TANGO2: variants seen among roughly 807,000 people sequenced by gnomAD.
The protein encoded by TANGO2 is transport and Golgi organization protein 2 homolog.
Under a neutral mutation model 39.1 loss-of-function variants are expected in TANGO2, and 26 were observed. That is an observed-to-expected ratio of 0.67 (90% CI 0.49 to 0.92). The LOEUF (loss-of-function observed/expected upper bound fraction) is 0.92. TANGO2 is among the 40% of genes least tolerant of loss of function. The pLI, the probability that TANGO2 is intolerant of heterozygous loss-of-function variation, is 0.00. For synonymous variants in TANGO2, 131 were observed against 144.5 expected (o/e 0.91, Z 0.67); for missense variants, 326 against 360.1 (o/e 0.91, Z 0.77).
At chr22:20,054,291 T>G in intron 5 of TANGO2, 1 of 159,648 alleles carries the variant, frequency 6.3e-6, no homozygotes, top group Non-Finnish European at 1.4e-5. Context: ...CGAGGGCTGG[T>G]GCGGGGCACT....
chr22:20,032,038 G>A (rs1345230450), intron 1 of TANGO2, among the ~76,000 whole-genome samples: 1 of 152,214 alleles, frequency 6.6e-6, no homozygotes, highest in Non-Finnish European at 1.5e-5. Context: ...CATGTGACCT[G>A]GGACTCTTGA....
intron 1 of TANGO2, among the ~76,000 whole-genome samples, chr22:20,033,910 C>T (rs988397857): frequency 3.3e-5 from 5 of 152,180 alleles, no homozygotes; most frequent in African/African-American, 4.8e-5. Flanking sequence ...AAATAGCTTC[C>T]TAAGAGTTCT....
At chr22:20,045,844 T>C (rs746279412) in intron 3 of TANGO2, among the ~76,000 whole-genome samples, 1 of 151,936 alleles carries the variant, frequency 6.6e-6, no homozygotes, top group Non-Finnish European at 1.5e-5. Flanking sequence ...TCTCTCTCAC[T>C]CTCTCCTTCT....
chr22:20,051,718 T>C (rs1229409852), intron 3 of TANGO2, among the ~76,000 whole-genome samples: 1 of 151,850 alleles, frequency 6.6e-6, no homozygotes, highest in East Asian at 1.9e-4. Context: ...CCGAGTGTGA[T>C]GGTACCTGCC....
chr22:20,044,664 C>T (rs760883567), intron 3 of TANGO2, among the ~76,000 whole-genome samples: 2 of 152,022 alleles, frequency 1.3e-5, no homozygotes, highest in African/African-American at 2.4e-5. Context: ...GGGAGGAGGA[C>T]GGGTGCATGG....
upstream of TANGO2, among the ~76,000 whole-genome samples, chr22:20,020,909 C>G (rs569713085): frequency 7.9e-5 from 12 of 152,254 alleles, no homozygotes; most frequent in East Asian, 1.4e-3. Flanking sequence ...CTCAGACGCC[C>G]GCGCAGCCCG....
In TANGO2 at chr22:20,064,761, C is replaced by T. The variant is rs1451085483; in HGVS notation, c.*99C>T. On this transcript the variant is annotated 3_prime_UTR_variant, in exon 9 of 9. Coordinates refer to ENST00000327374, the MANE Select transcript of TANGO2 (RefSeq NM_152906.7). ...CTTTGCCATACTGCATTGCACTGCC[C>T]GTGGCTTGGCCAGCATCCCCCGGAT... The T allele has an allele frequency of 2.2e-5, 33 of 1,474,626 alleles. 1 individual carries two copies. Among genetic ancestry groups the T allele is most frequent in the South Asian group, 7.8e-5 (6 of 76,596 alleles). 91.3% of individuals were successfully genotyped at this position (1,474,626 alleles called of 1,614,324 possible). A position where few individuals can be genotyped will look rare whatever the true frequency, so the allele number is the denominator to read the frequency against.
chr22:20,058,000 G>A lies in TANGO2; in HGVS notation c.451+1987G>A, dbSNP rs1203920063. On this transcript the variant is annotated intron_variant, in intron 6 of 8. Coordinates refer to ENST00000327374, the MANE Select transcript of TANGO2 (RefSeq NM_152906.7). The surrounding 1 kb of genome is among the most constrained non-coding windows in gnomAD (Gnocchi z 4.1). Reference sequence around the variant, plus strand: ...TCTGTCTACATCCTGCCTCATCCCTGAGCCTGCCCCACCTGGTCCACATTG... The same window carrying A: ...TCTGTCTACATCCTGCCTCATCCCTAAGCCTGCCCCACCTGGTCCACATTG... 6.6e-6 allele frequency: 1 copy of A among 150,804 alleles called. No homozygotes were observed. Among genetic ancestry groups the A allele is most frequent in the Non-Finnish European group, 1.5e-5 (1 of 67,874 alleles). The allele number at this position is 150,804 out of a possible 1,614,324, so 9.3% of individuals were successfully genotyped here. A position where few individuals can be genotyped will look rare whatever the true frequency, so the allele number is the denominator to read the frequency against.
rs183872323 is a variant in TANGO2 at position 20,059,023 on chromosome 22, A to G, written c.452-2507A>G. 1.4e-4 allele frequency among the ~76,000 whole-genome samples: 22 copies of G among 152,350 alleles called. 1 individual carries two copies. The highest frequency in any genetic ancestry group is 5.2e-4 in the Admixed American group (8 of 15,302). ...AGGACACAGTTGGAGTGCAGCCTCT[A>G]TGAACTGCTGAAACTGGCTTATGGT... On this transcript the variant is annotated intron_variant, in intron 6 of 8. Transcript: ENST00000327374.
rs1293396128 is a variant in TANGO2 at position 20,021,142 on chromosome 22, C to A, written c.-144C>A. On this transcript the variant is annotated 5_prime_UTR_variant, in exon 1 of 9. Coordinates refer to ENST00000327374, the MANE Select transcript of TANGO2 (RefSeq NM_152906.7). ...GCGGCGGTGGCGGAGGCGGTGAGTG[C>A]GCGGCTCCGGGGCTGGCCGACTCCG... 2 of 153,714 alleles carry A rather than the reference C, an allele frequency of 1.3e-5. No individual in the cohort carries two copies. Among genetic ancestry groups the A allele is most frequent in the Non-Finnish European group, 2.9e-5 (2 of 69,210 alleles). 9.5% of individuals were successfully genotyped at this position (153,714 alleles called of 1,614,324 possible).
chr22:20,053,791 G>A, intron 5 of TANGO2: 2 of 553,908 alleles, frequency 3.6e-6, no homozygotes, highest in African/African-American at 1.9e-5. Flanking sequence ...CCTGGAGAAA[G>A]CTGAGGCTGT....
intron 3 of TANGO2, among the ~76,000 whole-genome samples, chr22:20,047,782 C>T (rs773268736): frequency 5.9e-5 from 9 of 152,066 alleles, no homozygotes; most frequent in Non-Finnish European, 1.2e-4. Flanking sequence ...GGCTGTGTCT[C>T]CACCCAAATC....
intron 8 of TANGO2, 103 bp downstream of exon 8, chr22:20,063,545 T>A (rs2048772301): frequency 9.7e-7 from 1 of 1,029,418 alleles, no homozygotes; most frequent in South Asian, 1.5e-5. Context: ...GCCAGGCTTC[T>A]TCCTCGCCTG....
At chr22:20,043,974 G>A (rs552030607) in intron 3 of TANGO2, among the ~76,000 whole-genome samples, 9 of 152,208 alleles carry the variant, frequency 5.9e-5, no homozygotes, top group South Asian at 4.1e-4. Context: ...CAGAAGTAGG[G>A]GTGAGAACCA....
intron 1 of TANGO2, among the ~76,000 whole-genome samples, chr22:20,026,116 A>G (rs2040690522): frequency 6.6e-6 from 1 of 152,204 alleles, no homozygotes; most frequent in East Asian, 1.9e-4. Flanking sequence ...GAGCTTCACC[A>G]AGGCTGGGCG....
chr22:20,023,601 T>A (rs1240906896), intron 1 of TANGO2, among the ~76,000 whole-genome samples: 9 of 152,254 alleles, frequency 5.9e-5, no homozygotes, highest in African/African-American at 2.2e-4. Flanking sequence ...ACGCCTGTAA[T>A]CCCAGCAGTT....
chr22:20,040,470 G>A (rs1182466294), intron 2 of TANGO2, among the ~76,000 whole-genome samples: 1 of 152,202 alleles, frequency 6.6e-6, no homozygotes, highest in Non-Finnish European at 1.5e-5. Flanking sequence ...CTGTTCACCT[G>A]CAGGGCTGTG....
rs45548038 is a variant in TANGO2, at chr22:20,043,493, G to C, written c.145+50G>C. 0.04 allele frequency: 54,024 copies of C among 1,358,974 alleles called. 1,258 individuals carry two copies. The highest frequency in any genetic ancestry group is 0.047 in the East Asian group (2,038 of 43,202). 84.2% of individuals were successfully genotyped at this position (1,358,974 alleles called of 1,614,324 possible). ...GTGGCTGCGCCTTGTTGCTTCCCTA[G>C]CCCCTGCGTGGCCCGAGTGACCCTA... On this transcript the variant is annotated intron_variant, in intron 3 of 8. Coordinates refer to ENST00000327374, the MANE Select transcript of TANGO2 (RefSeq NM_152906.7).
chr22:20,047,950 G>A (rs1432768684), intron 3 of TANGO2: 3 of 149,758 alleles, frequency 2.0e-5, no homozygotes, highest in African/African-American at 4.9e-5. Flanking sequence ...TTGAGACTGA[G>A]TTTCGCTCTT....
Sources: gnomAD v4.1 joint callset for allele counts (sites outside exome capture counted in the v4.1 genomes callset) on GRCh38, gnomAD v4.1.1 for gene constraint, Gnocchi (gnomAD v3.1) non-coding constraint, MANE v1.5 for transcripts, NCBI Gene and HGNC (gene_info 2026-07-23, HGNC 2026-07-21) for gene names.